Variants in NTRK2 observed in about 807,000 individuals in gnomAD.
The protein encoded by NTRK2 is neurotrophic receptor tyrosine kinase 2, also known as BDNF/NT-3 growth factors receptor.
A neutral mutation model predicts 94.5 loss-of-function variants in NTRK2; 13 were observed. The ratio of observed to expected loss-of-function variants is 0.14; its 90% CI spans 0.09 to 0.22. The LOEUF is 0.22. Ranked by LOEUF, NTRK2 falls within the 10% of genes least tolerant of loss-of-function variation. The pLI, the probability that NTRK2 is intolerant of heterozygous loss-of-function variation, is 1.00. For missense variants in NTRK2, 639 were observed against 1,071.2 expected (o/e 0.60, Z 5.63); for synonymous variants, 372 against 407.4 (o/e 0.91, Z 1.05).
At chr9:84,927,027 G>A (rs562376248) in intron 14 of NTRK2, among the ~76,000 whole-genome samples, 1 of 152,264 alleles carries the variant, frequency 6.6e-6, no homozygotes, top group South Asian at 2.1e-4. Context: ...TGTGCCTATC[G>A]GCATCCCTTT....
chr9:84,901,527 C>G (rs535544835), intron 14 of NTRK2, among the ~76,000 whole-genome samples: 1 of 151,918 alleles, frequency 6.6e-6, no homozygotes, highest in African/African-American at 2.4e-5. Flanking sequence ...CCACCGCGCC[C>G]GACCATAATT....
chr9:84,858,308 T>C (rs924202970), intron 12 of NTRK2, among the ~76,000 whole-genome samples: 2 of 152,178 alleles, frequency 1.3e-5, no homozygotes, highest in Non-Finnish European at 2.9e-5. Flanking sequence ...ATCTTTACAA[T>C]GTTACTTCCT....
chr9:84,871,060 G>A (rs549456513), intron 14 of NTRK2, among the ~76,000 whole-genome samples: 2 of 152,272 alleles, frequency 1.3e-5, no homozygotes, highest in East Asian at 3.9e-4. Context: ...AGGAACGAGA[G>A]ATCTCTTGAA....
intron 12 of NTRK2, among the ~76,000 whole-genome samples, chr9:84,795,958 C>CTTT (rs970690802): frequency 7.1e-6 from 1 of 140,430 alleles, no homozygotes; most frequent in Non-Finnish European, 1.6e-5. Context: ...GATTACTTTT[C>CTTT]TTTTTTTTTT....
chr9:84,694,065 T>A (rs1282494861), intron 2 of NTRK2, among the ~76,000 whole-genome samples: 2 of 152,200 alleles, frequency 1.3e-5, no homozygotes, highest in African/African-American at 4.8e-5. Context: ...GCAAAAACTC[T>A]AGAAATTATT....
Position 84,870,150 on chromosome 9 carries a change from C to A in NTRK2, c.1633+2719C>A, listed in dbSNP as rs527557330. Among the ~76,000 whole-genome samples the A allele has an allele frequency of 7.6e-3, 932 of 122,688 alleles. 10 individuals carry two copies. The highest frequency in any genetic ancestry group is 0.028 in the African/African-American group (891 of 31,842). 80.5% of individuals were successfully genotyped at this position (122,688 alleles called of 152,430 possible). A position where few individuals can be genotyped will look rare whatever the true frequency, so the allele number is the denominator to read the frequency against. ...ATACACACACACACACATATATATA[C>A]ACACACATACATGTACTGTATATAT... On this transcript the variant is annotated intron_variant, in intron 14 of 18. Transcript: ENST00000277120.
intron 12 of NTRK2, among the ~76,000 whole-genome samples, chr9:84,836,085 C>G (rs959304988): frequency 2.6e-5 from 4 of 152,184 alleles, no homozygotes; most frequent in African/African-American, 9.7e-5. Flanking sequence ...CTAGCAAACA[C>G]CATAGTTCTG....
intron 9 of NTRK2, among the ~76,000 whole-genome samples, chr9:84,736,916 G>C (rs2132231106): frequency 6.6e-6 from 1 of 152,348 alleles, no homozygotes; most frequent in Non-Finnish European, 1.5e-5. Flanking sequence ...TTCTGAAAGA[G>C]AAGAGAAGAA....
intron 12 of NTRK2, among the ~76,000 whole-genome samples, chr9:84,819,867 C>T (rs77956199): frequency 0.066 from 10,070 of 152,158 alleles, 437 homozygotes; most frequent in African/African-American, 0.12. Flanking sequence ...TTCTTTACCC[C>T]GCCCGCATCT....
chr9:84,821,346 C>A (rs1357856622), intron 12 of NTRK2, among the ~76,000 whole-genome samples: 1 of 17,396 alleles, frequency 5.7e-5, no homozygotes, highest in South Asian at 3.3e-3. Context: ...CACACACACA[C>A]CCCTATGGAA....
intron 14 of NTRK2, among the ~76,000 whole-genome samples, chr9:84,926,169 C>CCTTGCTTTCTTTCTTTCTTT (rs2077790007): frequency 7.8e-5 from 3 of 38,514 alleles, no homozygotes; most frequent in African/African-American, 2.8e-4. Flanking sequence ...TTCCTTCCTT[C>CCTTGCTTTCTTTCTTTCTTT]CTTTCTTTCT....
intron 11 of NTRK2, among the ~76,000 whole-genome samples, chr9:84,748,266 C>T (rs1456105775): frequency 6.6e-6 from 1 of 152,220 alleles, no homozygotes; most frequent in Non-Finnish European, 1.5e-5. Context: ...CTGTATTTCT[C>T]AATCTGATTT....
At chr9:84,746,034 T>C (rs1214644761) in intron 11 of NTRK2, among the ~76,000 whole-genome samples, 1 of 152,116 alleles carries the variant, frequency 6.6e-6, no homozygotes, top group Non-Finnish European at 1.5e-5. Context: ...ATTCCAAATC[T>C]GTCCATATCT....
intron 12 of NTRK2, among the ~76,000 whole-genome samples, chr9:84,825,645 C>G (rs1440318456): frequency 1.3e-5 from 2 of 152,192 alleles, no homozygotes; most frequent in Non-Finnish European, 2.9e-5. Context: ...GAAGCAATGA[C>G]CATAACAATG....
At position 85,021,874 on chromosome 9, in the gene NTRK2, G is replaced by T; in HGVS notation, c.*437G>T. 5 of 264,734 alleles carry T rather than the reference G, an allele frequency of 1.9e-5. No homozygotes were observed. The highest frequency in any genetic ancestry group is 2.2e-4 in the South Asian group (2 of 9,258). The allele number at this position is 264,734 out of a possible 1,614,324, so 16.4% of individuals were successfully genotyped here. ...ACTAACAATGCCTTGTTGTATTCCT[G>T]CCTTTGATGTGGATGAAAAAAAGGG... On this transcript the variant is annotated 3_prime_UTR_variant, in exon 19 of 19. Coordinates refer to ENST00000277120, the MANE Select transcript of NTRK2 (RefSeq NM_006180.6).
At chr9:84,926,164 TCCTTCCTTTC>T (rs2077786066) in intron 14 of NTRK2, among the ~76,000 whole-genome samples, 3 of 68,004 alleles carry the variant, frequency 4.4e-5, no homozygotes, top group African/African-American at 1.5e-4. Flanking sequence ...CTTCCTTCCT[TCCTTCCTTTC>T]TTTCTTTCTT....
At chr9:85,016,251 G>A (rs1253677016) in intron 17 of NTRK2, among the ~76,000 whole-genome samples, 1 of 152,150 alleles carries the variant, frequency 6.6e-6, no homozygotes, top group Non-Finnish European at 1.5e-5. Context: ...GCTCAAGCTG[G>A]TTAATAGCAG....
At chr9:84,899,907 C>T (rs1250015866) in intron 14 of NTRK2, among the ~76,000 whole-genome samples, 1 of 152,116 alleles carries the variant, frequency 6.6e-6, no homozygotes, top group Non-Finnish European at 1.5e-5. Context: ...ATTCTTTGTC[C>T]CTTGGTCTGT....
chr9:84,735,734 C>T (rs2063212831), intron 9 of NTRK2, among the ~76,000 whole-genome samples: 1 of 152,154 alleles, frequency 6.6e-6, no homozygotes, highest in African/African-American at 2.4e-5. Flanking sequence ...CTCATGTATC[C>T]TATTTAGCTT....
Sources: gnomAD v4.1 joint callset for allele counts (sites outside exome capture counted in the v4.1 genomes callset) on GRCh38, gnomAD v4.1.1 for gene constraint, MANE v1.5 for transcripts, NCBI Gene and HGNC (gene_info 2026-07-23, HGNC 2026-07-21) for gene names.